SLC30A9: variants seen among roughly 807,000 people sequenced by gnomAD.
SLC30A9 encodes the protein proton-coupled zinc antiporter SLC30A9, mitochondrial.
SLC30A9 carries 58 observed loss-of-function variants against 87.5 expected under a neutral mutation model. The ratio of observed to expected loss-of-function variants is 0.66; its 90% CI spans 0.54 to 0.82. The LOEUF (loss-of-function observed/expected upper bound fraction) is 0.82. Among genes scored for constraint, SLC30A9 ranks in the 40% least tolerant of loss-of-function variants. The pLI is 0.00. For synonymous variants in SLC30A9, 234 were observed against 233.0 expected (o/e 1.00, Z -0.04); for missense variants, 557 against 679.1 (o/e 0.82, Z 2.00).
chr4:42,051,547 C>G (rs1717384349), intron 9 of SLC30A9, among the ~76,000 whole-genome samples: 1 of 150,686 alleles, frequency 6.6e-6, no homozygotes, highest in South Asian at 2.1e-4. Context: ...GAAGATAAAT[C>G]AAAGGTATAA....
At chr4:42,035,140 AT>A (rs1472426117) in intron 6 of SLC30A9, 134 bp from the exon 7 acceptor site, 1 of 835,098 alleles carries the variant, frequency 1.2e-6, no homozygotes. Context: ...ACAAATCCAA[AT>A]TTTTTATAAC....
intron 1 of SLC30A9, among the ~76,000 whole-genome samples, chr4:41,999,140 T>G (rs1413780971): frequency 1.3e-5 from 2 of 152,186 alleles, no homozygotes; most frequent in African/African-American, 4.8e-5. Context: ...CAAGTAATGT[T>G]TAAATTTATG....
chr4:42,013,570 A>G (rs1316545159), intron 2 of SLC30A9, among the ~76,000 whole-genome samples: 1 of 152,232 alleles, frequency 6.6e-6, no homozygotes, highest in Non-Finnish European at 1.5e-5. Flanking sequence ...AACAGAATAC[A>G]GAGCCCATAA....
chr4:42,066,810 T>C (rs1718095176), intron 13 of SLC30A9, among the ~76,000 whole-genome samples, 189 bp downstream of exon 13: 1 of 152,186 alleles, frequency 6.6e-6, no homozygotes, highest in African/African-American at 2.4e-5. Flanking sequence ...CATGGATACT[T>C]TATATTTGGA....
At chr4:42,039,163 A>C in intron 8 of SLC30A9, 110 bp downstream of exon 8, 1 of 815,812 alleles carries the variant, frequency 1.2e-6, no homozygotes, top group Non-Finnish European at 2.0e-6. Context: ...TTTGAGGTTT[A>C]TTTTGTTTTA....
At chr4:42,045,485 C>T (rs1717110308) in intron 8 of SLC30A9, among the ~76,000 whole-genome samples, 1 of 151,780 alleles carries the variant, frequency 6.6e-6, no homozygotes, top group African/African-American at 2.4e-5. Flanking sequence ...AATTCCTGGA[C>T]ACACACACCC....
rs1717790507 is a variant in SLC30A9, at chr4:42,060,258, G to A, written c.896+12G>A. On this transcript the variant is annotated intron_variant, in intron 10 of 17. Coordinates refer to ENST00000264451, the MANE Select transcript of SLC30A9 (RefSeq NM_006345.4). ...GATCCTTCTCATCCGTAAGGACATT[G>A]CCTTATTTTGTTTTTGTTTGTTTTG... 1.9e-6 allele frequency: 3 copies of A among 1,604,364 alleles called. No homozygotes were observed. Among genetic ancestry groups the A allele is most frequent in the African/African-American group, 2.7e-5 (2 of 74,686 alleles).
intron 2 of SLC30A9, among the ~76,000 whole-genome samples, chr4:42,010,858 T>G (rs1715410524): frequency 6.6e-6 from 1 of 152,214 alleles, no homozygotes; most frequent in African/African-American, 2.4e-5. Flanking sequence ...GCATCTGGAC[T>G]CTGGGTCTGT....
intron 1 of SLC30A9, among the ~76,000 whole-genome samples, chr4:41,993,327 A>T (rs1467629520): frequency 6.6e-6 from 1 of 152,164 alleles, no homozygotes; most frequent in Admixed American, 6.5e-5. Flanking sequence ...CTTTCAGCAC[A>T]TCACAGTTCA....
chr4:41,992,339 CAAA>C (rs1210017224), intron 1 of SLC30A9, among the ~76,000 whole-genome samples: 2 of 115,282 alleles, frequency 1.7e-5, no homozygotes, highest in Non-Finnish European at 3.7e-5. Context: ...AGACCTGTCT[CAAA>C]AAAAAAAAAA....
chr4:42,044,093 C>T (rs1328124220), intron 8 of SLC30A9, among the ~76,000 whole-genome samples: 1 of 152,108 alleles, frequency 6.6e-6, no homozygotes, highest in Non-Finnish European at 1.5e-5. Context: ...TGGTACCAGC[C>T]ACTGCAAAAA....
At position 42,086,431 on chromosome 4, in the gene SLC30A9, C is replaced by T. The variant is rs1214945153; in HGVS notation, c.*305C>T. 1 of 232,758 alleles carries T rather than the reference C, an allele frequency of 4.3e-6. No individual in the cohort carries two copies. Among genetic ancestry groups the T allele is most frequent in the Non-Finnish European group, 8.2e-6 (1 of 121,402 alleles). The allele number at this position is 232,758 out of a possible 1,614,324, so 14.4% of individuals were successfully genotyped here. ...CCATATTTCACCTGTTCAGTGTATA[C>T]TGTACTTTGCAATCATCTTTCCTTT... On this transcript the variant is annotated 3_prime_UTR_variant, in exon 18 of 18. Transcript: ENST00000264451.
At chr4:42,060,546 C>T (rs1210008822) in intron 10 of SLC30A9, among the ~76,000 whole-genome samples, 1 of 151,954 alleles carries the variant, frequency 6.6e-6, no homozygotes, top group Admixed American at 6.6e-5. Context: ...TTTATTTGGT[C>T]CAAGGAAACA....
chr4:41,996,532 A>G (rs1480541060), intron 1 of SLC30A9, among the ~76,000 whole-genome samples: 1 of 151,572 alleles, frequency 6.6e-6, no homozygotes, highest in Non-Finnish European at 1.5e-5. Flanking sequence ...TGAGTCCAGG[A>G]GTTTGAGACC....
chr4:42,059,900 A>T (rs1457168744), intron 9 of SLC30A9, among the ~76,000 whole-genome samples: 1 of 151,996 alleles, frequency 6.6e-6, no homozygotes, highest in African/African-American at 2.4e-5. Flanking sequence ...TTTTTAACCT[A>T]CTGTAGAAGT....
intron 9 of SLC30A9, among the ~76,000 whole-genome samples, chr4:42,050,864 C>T (rs140073784): frequency 6.6e-6 from 1 of 152,270 alleles, no homozygotes; most frequent in Non-Finnish European, 1.5e-5. Flanking sequence ...ATAACAGTCT[C>T]ATTGAGTTGA....
At chr4:42,059,042 A>T (rs1717740887) in intron 9 of SLC30A9, among the ~76,000 whole-genome samples, 1 of 152,180 alleles carries the variant, frequency 6.6e-6, no homozygotes, top group Non-Finnish European at 1.5e-5. Context: ...TAGGGTTTCC[A>T]ATATTAAGAC....
intron 6 of SLC30A9, among the ~76,000 whole-genome samples, chr4:42,027,450 A>G (rs1716242277): frequency 7.5e-6 from 1 of 132,696 alleles, no homozygotes; most frequent in Admixed American, 9.0e-5. Flanking sequence ...TGTCATAGGT[A>G]TCCTTGTACA....
Position 42,020,495 on chromosome 4 carries a change from T to C in SLC30A9, c.414T>C (p.Asn138=), listed in dbSNP as rs376337022. Residue 138 remains asparagine, a synonymous_variant, in exon 4 of 18, where the codon AAT becomes AAC. Coordinates refer to ENST00000264451, the MANE Select transcript of SLC30A9 (RefSeq NM_006345.4). ...NNFITGVRAI[N]EFCLKSSDLE... Reference sequence around the variant, plus strand: ...TCATCACTGGAGTCAGAGCGATAAATGAGTTCTGCCTCAAATCCAGGTAAT... The same window carrying C: ...TCATCACTGGAGTCAGAGCGATAAACGAGTTCTGCCTCAAATCCAGGTAAT... 5.7e-6 allele frequency: 9 copies of C among 1,592,260 alleles called. No homozygotes were observed. In the African/African-American group the frequency reaches 1.2e-4, roughly 21 times the overall value.
Sources: gnomAD v4.1 joint callset for allele counts (sites outside exome capture counted in the v4.1 genomes callset) on GRCh38, gnomAD v4.1.1 for gene constraint, MANE v1.5 for transcripts, NCBI Gene and HGNC (gene_info 2026-07-23, HGNC 2026-07-21) for gene names.